The following MRPL42 variants were observed in gnomAD, a reference collection of about 807,000 sequenced individuals.
MRPL42 encodes mitochondrial ribosomal protein L42, also known as large ribosomal subunit protein mL42.
MRPL42 carries 17 observed loss-of-function variants against 17.9 expected under a neutral mutation model. That is an observed-to-expected ratio of 0.95 (90% CI 0.65 to 1.42). MRPL42 has a LOEUF of 1.42. Ranked by LOEUF, MRPL42 falls within the 40% of genes most tolerant of loss-of-function variation. The pLI is 0.00. For synonymous variants in MRPL42, 59 were observed against 54.4 expected (o/e 1.08, Z -0.37); for missense variants, 177 against 175.2 (o/e 1.01, Z -0.06).
At chr12:93,500,966 C>G (rs1953582008) in intron 5 of MRPL42, 3 of 436,362 alleles carry the variant, frequency 6.9e-6, no homozygotes, top group Non-Finnish European at 1.2e-5. Context: ...AAGACCCAGT[C>G]TCTAGAAAAA....
rs1780099615 is a variant in MRPL42, at chr12:93,507,603, A to T, written c.*6382A>T. 1 of 152,158 alleles carries T rather than the reference A, an allele frequency of 6.6e-6. No individual in the cohort carries two copies. Among genetic ancestry groups the T allele is most frequent in the Admixed American group, 6.6e-5 (1 of 15,256 alleles). 9.4% of individuals were successfully genotyped at this position (152,158 alleles called of 1,614,324 possible). ...TTCATTAGTTTGCGTTCTTCCAGGTAATTCTTATAGTCTGGATCCAGCTCA... is the reference window on the plus strand; with the variant it reads ...TTCATTAGTTTGCGTTCTTCCAGGTTATTCTTATAGTCTGGATCCAGCTCA... On this transcript the variant is annotated 3_prime_UTR_variant, in exon 6 of 6. Coordinates refer to ENST00000549982, the MANE Select transcript of MRPL42 (RefSeq NM_014050.4).
At chr12:93,494,220 AG>A (rs780214087) in intron 5 of MRPL42, among the ~76,000 whole-genome samples, 2 of 151,466 alleles carry the variant, frequency 1.3e-5, no homozygotes, top group Non-Finnish European at 3.0e-5. Context: ...ACAAGAACCA[AG>A]GGAAGTGTTA....
intron 5 of MRPL42, among the ~76,000 whole-genome samples, chr12:93,499,721 A>G (rs534664755): frequency 1.3e-5 from 2 of 152,282 alleles, no homozygotes; most frequent in African/African-American, 2.4e-5. Context: ...GTTAGTATAG[A>G]CAGCTGTACT....
intron 5 of MRPL42, chr12:93,488,004 T>A: frequency 3.9e-6 from 1 of 255,826 alleles, no homozygotes; most frequent in Non-Finnish European, 7.3e-6. Flanking sequence ...AGAGTCTTGC[T>A]CTGTCACCCA....
chr12:93,478,622 C>A (rs150319635), intron 3 of MRPL42, among the ~76,000 whole-genome samples: 1 of 152,050 alleles, frequency 6.6e-6, no homozygotes, highest in Non-Finnish European at 1.5e-5. Flanking sequence ...AGTTTTTGAA[C>A]CTGGAAAGAC....
intron 5 of MRPL42, among the ~76,000 whole-genome samples, chr12:93,492,674 G>A (rs915152617): frequency 4.6e-5 from 7 of 152,224 alleles, no homozygotes; most frequent in Admixed American, 1.3e-4. Flanking sequence ...GTGTCATTCA[G>A]CATACACTGT....
At chr12:93,496,449 TAAACTA>T (rs1170123437) in intron 5 of MRPL42, among the ~76,000 whole-genome samples, 2 of 152,008 alleles carry the variant, frequency 1.3e-5, no homozygotes, top group Non-Finnish European at 2.9e-5. Flanking sequence ...AGATACCTAA[TAAACTA>T]TAATTATATG....
In MRPL42 at chr12:93,510,566, G is replaced by C. The variant is rs1953716830; in HGVS notation, c.*9345G>C. The C allele has an allele frequency of 6.6e-6, 1 of 152,226 alleles. No homozygotes were observed. The highest frequency in any genetic ancestry group is 1.5e-5 in the Non-Finnish European group (1 of 68,064). The allele number at this position is 152,226 out of a possible 1,614,324, so 9.4% of individuals were successfully genotyped here. A position where few individuals can be genotyped will look rare whatever the true frequency, so the allele number is the denominator to read the frequency against. On this transcript the variant is annotated 3_prime_UTR_variant, in exon 6 of 6. Transcript: ENST00000549982. Reference sequence around the variant, plus strand: ...GTACCATTTTGCATTCCCACCAGCAGTGAATAAGGGTTCCTATTGCTCAAC... The same window carrying C: ...GTACCATTTTGCATTCCCACCAGCACTGAATAAGGGTTCCTATTGCTCAAC...
chr12:93,484,664 T>C (rs1010206773), intron 4 of MRPL42, among the ~76,000 whole-genome samples: 2 of 152,004 alleles, frequency 1.3e-5, no homozygotes, highest in African/African-American at 2.4e-5. Context: ...TGGCATGATC[T>C]TGGCTCACTG....
Position 93,473,950 on chromosome 12 carries a change from G to A in MRPL42, c.71-3004G>A, listed in dbSNP as rs1003788927. ...CACTTTTTAATGTGTAGGCACTATA[G>A]GGGACACAGTAATGAACAAGGTACA... On this transcript the variant is annotated intron_variant, in intron 2 of 5. Coordinates refer to ENST00000549982, the MANE Select transcript of MRPL42 (RefSeq NM_014050.4). Among the ~76,000 whole-genome samples, 5 of 151,226 alleles carry A rather than the reference G, an allele frequency of 3.3e-5. 1 individual carries two copies. The highest frequency in any genetic ancestry group is 1.9e-4 in the East Asian group (1 of 5,186).
At chr12:93,495,000 G>A (rs948073239) in intron 5 of MRPL42, among the ~76,000 whole-genome samples, 2 of 152,194 alleles carry the variant, frequency 1.3e-5, no homozygotes, top group Non-Finnish European at 2.9e-5. Flanking sequence ...AAAATGGGGT[G>A]GAGCTTCGTG....
At chr12:93,467,763 G>A (rs1879701725) in intron 1 of MRPL42, among the ~76,000 whole-genome samples, 2 of 152,228 alleles carry the variant, frequency 1.3e-5, no homozygotes, top group Non-Finnish European at 2.9e-5. Flanking sequence ...GCGGACGCCC[G>A]TGGGGAGGTG....
In MRPL42 at chr12:93,479,873, G is replaced by T. The variant is rs932767027; in HGVS notation, c.219+401G>T. On this transcript the variant is annotated intron_variant, in intron 4 of 5. Transcript: ENST00000549982. ...TACTTTTTTACTATTGGTTCTGACA[G>T]TTTTTTTTTTTTTTTAACATTTGGT... Among the ~76,000 whole-genome samples, 129 of 140,994 alleles carry T rather than the reference G, an allele frequency of 9.1e-4. No individual in the cohort carries two copies. The East Asian group carries it at 0.019, about 21-fold the overall frequency. 92.5% of individuals were successfully genotyped at this position (140,994 alleles called of 152,430 possible).
intron 3 of MRPL42, among the ~76,000 whole-genome samples, chr12:93,478,515 A>G (rs997743340): frequency 3.9e-5 from 6 of 152,114 alleles, no homozygotes; most frequent in African/African-American, 2.4e-5. Context: ...CCAAAGTATA[A>G]GGATTACAGA....
At chr12:93,482,409 A>G (rs1480604196) in intron 4 of MRPL42, among the ~76,000 whole-genome samples, 1 of 152,176 alleles carries the variant, frequency 6.6e-6, no homozygotes, top group African/African-American at 2.4e-5. Flanking sequence ...TGATGAGGAC[A>G]GGGCCTTGTG....
Position 93,507,160 on chromosome 12 carries a change from T to C in MRPL42, c.*5939T>C, listed in dbSNP as rs1337379933. The C allele has an allele frequency of 6.6e-6, 1 of 152,266 alleles. No individual in the cohort carries two copies. Among genetic ancestry groups the C allele is most frequent in the African/African-American group, 2.4e-5 (1 of 41,468 alleles). The allele number at this position is 152,266 out of a possible 1,614,324, so 9.4% of individuals were successfully genotyped here. A position where few individuals can be genotyped will look rare whatever the true frequency, so the allele number is the denominator to read the frequency against. ...TTTAACAACTGGTTCTAACTTGTAATGTTTGCCAGTTTCCATGACTGGGTC... is the reference window on the plus strand; with the variant it reads ...TTTAACAACTGGTTCTAACTTGTAACGTTTGCCAGTTTCCATGACTGGGTC... On this transcript the variant is annotated 3_prime_UTR_variant, in exon 6 of 6. Transcript: ENST00000549982.
In MRPL42 at chr12:93,513,085, T is replaced by A. The variant is rs1468996098; in HGVS notation, c.*11864T>A. The A allele has an allele frequency of 6.6e-6, 1 of 152,122 alleles. No homozygotes were observed. The highest frequency in any genetic ancestry group is 1.5e-5 in the Non-Finnish European group (1 of 68,030). 9.4% of individuals were successfully genotyped at this position (152,122 alleles called of 1,614,324 possible). On this transcript the variant is annotated 3_prime_UTR_variant, in exon 6 of 6. Transcript: ENST00000549982. ...ATTTTTTAAAAACCATGGAAACAGTTTAGATATACATCAATCCATGAAAGT... is the reference window on the plus strand; with the variant it reads ...ATTTTTTAAAAACCATGGAAACAGTATAGATATACATCAATCCATGAAAGT...
intron 4 of MRPL42, among the ~76,000 whole-genome samples, chr12:93,482,725 A>G (rs1048062651): frequency 3.3e-5 from 5 of 152,160 alleles, no homozygotes; most frequent in Non-Finnish European, 5.9e-5. Context: ...AGCTTGGACT[A>G]TAGGCACACA....
At position 93,507,134 on chromosome 12, in the gene MRPL42, A is replaced by G. The variant is rs947559446; in HGVS notation, c.*5913A>G. The G allele has an allele frequency of 6.6e-6, 1 of 152,224 alleles. No individual in the cohort carries two copies. The highest frequency in any genetic ancestry group is 6.5e-5 in the Admixed American group (1 of 15,270). 9.4% of individuals were successfully genotyped at this position (152,224 alleles called of 1,614,324 possible). On this transcript the variant is annotated 3_prime_UTR_variant, in exon 6 of 6. Transcript: ENST00000549982. ...TGTGTCCAGTGATGTACTAATGAAGATTTAACAACTGGTTCTAACTTGTAA... is the reference window on the plus strand; with the variant it reads ...TGTGTCCAGTGATGTACTAATGAAGGTTTAACAACTGGTTCTAACTTGTAA...
Sources: gnomAD v4.1 joint callset for allele counts (sites outside exome capture counted in the v4.1 genomes callset) on GRCh38, gnomAD v4.1.1 for gene constraint, MANE v1.5 for transcripts, NCBI Gene and HGNC (gene_info 2026-07-23, HGNC 2026-07-21) for gene names.